IL1RAPL2: variants seen among roughly 807,000 people sequenced by gnomAD.
The protein encoded by IL1RAPL2 is interleukin 1 receptor accessory protein like 2.
A neutral mutation model predicts 44.1 loss-of-function variants in IL1RAPL2; 3 were observed. The observed-to-expected ratio is 0.07, with a 90% CI of 0.03 to 0.18. The LOEUF is 0.18. IL1RAPL2 is among the 10% of genes least tolerant of loss of function. The pLI is 1.00. For synonymous variants in IL1RAPL2, 181 were observed against 178.8 expected (o/e 1.01, Z -0.10); for missense variants, 391 against 496.4 (o/e 0.79, Z 2.02).
intron 2 of IL1RAPL2, among the ~76,000 whole-genome samples, chrX:105,100,816 C>T: frequency 8.9e-6 from 1 of 112,209 alleles, no homozygotes; most frequent in East Asian, 2.8e-4. Flanking sequence ...ATGATATAGG[C>T]ATCACCAGCC....
chrX:104,963,932 T>TGAGA (rs1287519210), intron 2 of IL1RAPL2, among the ~76,000 whole-genome samples: 2 of 81,218 alleles, frequency 2.5e-5, no homozygotes, highest in African/African-American at 9.4e-5. Flanking sequence ...TGTGTGTGTG[T>TGAGA]GTGAGAGAGA....
intron 2 of IL1RAPL2, among the ~76,000 whole-genome samples, chrX:104,983,458 ATAT>A (rs769082732): frequency 1.8e-4 from 8 of 43,987 alleles, no homozygotes; most frequent in African/African-American, 5.6e-4. Context: ...ATATTATATA[ATAT>A]TAGATACATA....
intron 1 of IL1RAPL2, among the ~76,000 whole-genome samples, chrX:104,575,674 T>C (rs748448020): frequency 8.9e-6 from 1 of 112,034 alleles, no homozygotes; most frequent in Non-Finnish European, 1.9e-5. Flanking sequence ...GTCTTGCCAG[T>C]GCCACTATCT....
intron 6 of IL1RAPL2, among the ~76,000 whole-genome samples, chrX:105,561,651 G>A (rs773223754): frequency 2.7e-5 from 3 of 111,833 alleles, no homozygotes; most frequent in East Asian, 5.7e-4. Flanking sequence ...TATGAGTAAT[G>A]CCAAACCTCA....
intron 5 of IL1RAPL2, among the ~76,000 whole-genome samples, chrX:105,268,475 T>C (rs1381126901): frequency 9.0e-6 from 1 of 111,137 alleles, no homozygotes; most frequent in Non-Finnish European, 1.9e-5. Context: ...TAATGTTGTA[T>C]GCTGAGGCCA....
At chrX:105,002,663 T>A (rs542814272) in intron 2 of IL1RAPL2, among the ~76,000 whole-genome samples, 1 of 110,640 alleles carries the variant, frequency 9.0e-6, no homozygotes, top group Admixed American at 9.7e-5. Context: ...GGAATGTCAG[T>A]AGCCATTATC....
Position 104,680,559 on chromosome X carries a change from G to A in IL1RAPL2, c.82+21564G>A, listed in dbSNP as rs377563873. ...TTAATAATTTTTAAACATAGAGCCC[G>A]AATTTTCATTTTGCTCTGGGCCCTG... On this transcript the variant is annotated intron_variant, in intron 2 of 10. Transcript: ENST00000372582. Among the ~76,000 whole-genome samples, 25 of 110,733 alleles carry A rather than the reference G, an allele frequency of 2.3e-4. No individual in the cohort carries two copies. The East Asian group carries it at 2.6e-3, about 11-fold the overall frequency.
chrX:104,656,744 C>T (rs1393456222), intron 1 of IL1RAPL2, among the ~76,000 whole-genome samples: 1 of 111,372 alleles, frequency 9.0e-6, no homozygotes, highest in Non-Finnish European at 1.9e-5. Flanking sequence ...AATTTTTTGT[C>T]TCATTGATCT....
intron 2 of IL1RAPL2, among the ~76,000 whole-genome samples, chrX:104,981,725 G>A (rs895084613): frequency 9.0e-6 from 1 of 110,951 alleles, no homozygotes; most frequent in African/African-American, 3.3e-5. Flanking sequence ...GTCATAGATT[G>A]CTCTTATTAT....
At chrX:105,470,257 A>G (rs1288134387) in intron 5 of IL1RAPL2, among the ~76,000 whole-genome samples, 3 of 111,694 alleles carry the variant, frequency 2.7e-5, no homozygotes, top group Non-Finnish European at 5.7e-5. Context: ...CCTCATATTA[A>G]CTATAAAACT....
intron 2 of IL1RAPL2, among the ~76,000 whole-genome samples, chrX:104,774,145 C>A (rs1455556770): frequency 3.6e-5 from 4 of 111,739 alleles, no homozygotes; most frequent in Admixed American, 9.5e-5. Flanking sequence ...ACACGACATT[C>A]AGAGGTGAAT....
intron 2 of IL1RAPL2, among the ~76,000 whole-genome samples, chrX:105,101,064 G>T (rs1314005603): frequency 8.9e-6 from 1 of 112,183 alleles, no homozygotes; most frequent in African/African-American, 3.2e-5. Context: ...GCCTAAAGGT[G>T]CTCACAGTTT....
At chrX:105,133,429 A>G (rs2033046966) in intron 2 of IL1RAPL2, among the ~76,000 whole-genome samples, 1 of 110,720 alleles carries the variant, frequency 9.0e-6, no homozygotes, top group Admixed American at 9.6e-5. Flanking sequence ...TAATTTTTAT[A>G]TAAATAACTG....
intron 5 of IL1RAPL2, among the ~76,000 whole-genome samples, chrX:105,292,466 C>T (rs770582384): frequency 2.0e-4 from 22 of 111,596 alleles, no homozygotes; most frequent in Middle Eastern, 4.6e-3. Flanking sequence ...CCTTATTTTC[C>T]GACTACTTAT....
rs6621856 is a variant in IL1RAPL2 at position 104,668,383 on chromosome X, A to T, written c.82+9388A>T. 2.8e-3 allele frequency among the ~76,000 whole-genome samples: 304 copies of T among 106,887 alleles called. 5 individuals carry two copies. The East Asian group carries it at 0.058, about 20-fold the overall frequency. The allele number at this position is 106,887 out of a possible 115,157, so 92.8% of individuals were successfully genotyped here. On this transcript the variant is annotated intron_variant, in intron 2 of 10. Transcript: ENST00000372582. ...GGTACATGTGCACAATGTGCAGGTT[A>T]GTTACATATGTATACATGTGCCATG...
chrX:104,980,611 AGTGGTT>A (rs1165258808), intron 2 of IL1RAPL2, among the ~76,000 whole-genome samples: 1 of 112,081 alleles, frequency 8.9e-6, no homozygotes, highest in African/African-American at 3.2e-5. Context: ...AAATCCTTTA[AGTGGTT>A]GTAGGTGTCT....
intron 5 of IL1RAPL2, among the ~76,000 whole-genome samples, chrX:105,318,152 T>C (rs1332683636): frequency 9.0e-6 from 1 of 110,521 alleles, no homozygotes; most frequent in Non-Finnish European, 1.9e-5. Flanking sequence ...TTTTCTATTT[T>C]TTAGTAGAGA....
intron 2 of IL1RAPL2, among the ~76,000 whole-genome samples, chrX:105,156,880 T>C (rs2033273035): frequency 9.0e-6 from 1 of 111,057 alleles, no homozygotes; most frequent in Non-Finnish European, 1.9e-5. Context: ...TAAGATTTAA[T>C]GTATTTGACA....
intron 5 of IL1RAPL2, among the ~76,000 whole-genome samples, chrX:105,275,171 A>C (rs1292638227): frequency 9.1e-6 from 1 of 110,037 alleles, no homozygotes; most frequent in African/African-American, 3.3e-5. Flanking sequence ...AGATCAGGCC[A>C]CTGCACTCTA....
Sources: allele counts gnomAD v4.1 joint callset (sites outside exome capture counted in the v4.1 genomes callset), GRCh38; gene constraint gnomAD v4.1.1; transcripts MANE v1.5; gene names NCBI Gene and HGNC (gene_info 2026-07-23, HGNC 2026-07-21).